LEPR: variants seen among roughly 807,000 people sequenced by gnomAD.
LEPR encodes the protein OB receptor.
A neutral mutation model predicts 114.7 loss-of-function variants in LEPR; 56 were observed. That is an observed-to-expected ratio of 0.49 (90% CI 0.39 to 0.61). LEPR has a LOEUF of 0.61. Ranked by LOEUF, LEPR falls within the 20% of genes least tolerant of loss-of-function variation. LEPR has a pLI of 0.00. For synonymous variants in LEPR, 443 were observed against 461.4 expected (o/e 0.96, Z 0.51); for missense variants, 1,202 against 1,352.9 (o/e 0.89, Z 1.75).
At chr1:65,543,685 A>G (rs1227291030) in intron 2 of LEPR, among the ~76,000 whole-genome samples, 1 of 151,996 alleles carries the variant, frequency 6.6e-6, no homozygotes, top group Non-Finnish European at 1.5e-5. Flanking sequence ...TTTTCTGCAT[A>G]TGGCTAGCCA....
rs1269185544 is a variant in LEPR at position 65,640,131 on chromosome 1, A to G, written c.*3116A>G. The stretch of plus-strand genomic sequence containing the variant: ...TTCTCTCTTCCATAATATCATATAT[A>G]TGGTCACATTACTTCAGGAATATTT... On this transcript the variant is annotated 3_prime_UTR_variant, in exon 20 of 20. Coordinates refer to ENST00000349533, the MANE Select transcript of LEPR (RefSeq NM_002303.6). 1 of 152,124 alleles carries G rather than the reference A, an allele frequency of 6.6e-6. No individual in the cohort carries two copies. The highest frequency in any genetic ancestry group is 2.4e-5 in the African/African-American group (1 of 41,438). The allele number at this position is 152,124 out of a possible 1,614,324, so 9.4% of individuals were successfully genotyped here.
chr1:65,421,122 C>G (rs919246047), intron 1 of LEPR, among the ~76,000 whole-genome samples: 6 of 152,188 alleles, frequency 3.9e-5, no homozygotes, highest in Non-Finnish European at 4.4e-5. Context: ...TCCTATTTGC[C>G]ACAAAGGACC....
chr1:65,579,759 ATATAT>A (rs1229667703), intron 5 of LEPR, among the ~76,000 whole-genome samples: 1 of 152,124 alleles, frequency 6.6e-6, no homozygotes, highest in Non-Finnish European at 1.5e-5. Context: ...TCTATTATGT[ATATAT>A]TATAATTATG....
rs772492879 is a variant in LEPR at position 65,601,722 on chromosome 1, T to G, written c.1285+40T>G. 2.5e-6 allele frequency: 4 copies of G among 1,612,494 alleles called. No homozygotes were observed. The East Asian group carries it at 8.9e-5, about 36-fold the overall frequency. On this transcript the variant is annotated intron_variant, in intron 9 of 19. Transcript: ENST00000349533. ...GTTTTGTTCATTTTGTTCCACAACT[T>G]GAATTTTCATTATGGACCCTCCTTA... is the stretch of plus-strand genomic sequence containing the variant.
intron 2 of LEPR, among the ~76,000 whole-genome samples, chr1:65,555,895 A>G (rs1236100312): frequency 6.6e-6 from 1 of 152,130 alleles, no homozygotes; most frequent in Non-Finnish European, 1.5e-5. Flanking sequence ...TCATGTGAGG[A>G]TGTCAACCCT....
chr1:65,531,916 G>A (rs1476954522), intron 2 of LEPR, among the ~76,000 whole-genome samples: 2 of 152,030 alleles, frequency 1.3e-5, no homozygotes, highest in East Asian at 3.9e-4. Flanking sequence ...CAAATTACGG[G>A]CTAGCAGGAC....
intron 2 of LEPR, chr1:65,434,512 G>A (rs900867713): frequency 7.6e-5 from 75 of 984,896 alleles, no homozygotes; most frequent in Admixed American, 5.5e-4. Flanking sequence ...ATGAATTGGT[G>A]ATTGAGTTCC....
At chr1:65,491,641 G>A (rs1442864024) in intron 2 of LEPR, among the ~76,000 whole-genome samples, 5 of 152,052 alleles carry the variant, frequency 3.3e-5, no homozygotes, top group East Asian at 1.9e-4. Context: ...TATCTATGGC[G>A]TAAAAGCCAA....
At chr1:65,564,690 T>C (rs959405073) in intron 2 of LEPR, among the ~76,000 whole-genome samples, 1 of 152,182 alleles carries the variant, frequency 6.6e-6, no homozygotes, top group African/African-American at 2.4e-5. Context: ...AGAGACCATC[T>C]AACAGTCTGA....
intron 2 of LEPR, chr1:65,433,243 A>G (rs1646513109): frequency 8.1e-6 from 8 of 985,108 alleles, no homozygotes; most frequent in Non-Finnish European, 9.6e-6. Context: ...GAAGAGATAT[A>G]GGAGCCATGT....
At chr1:65,506,504 G>T (rs1288126898) in intron 2 of LEPR, among the ~76,000 whole-genome samples, 1 of 152,160 alleles carries the variant, frequency 6.6e-6, no homozygotes. Flanking sequence ...ATTAAGTATG[G>T]ATGCAGTGTG....
chr1:65,437,674 G>A (rs1369081694), intron 2 of LEPR, among the ~76,000 whole-genome samples: 2 of 151,824 alleles, frequency 1.3e-5, no homozygotes, highest in African/African-American at 4.8e-5. Flanking sequence ...AGTGTAAGTA[G>A]AAAAAAACTA....
chr1:65,577,281 T>G (rs1216914911), intron 5 of LEPR: 2 of 153,924 alleles, frequency 1.3e-5, no homozygotes, highest in Non-Finnish European at 2.9e-5. Context: ...TCACACTTTA[T>G]GTTTCTTATA....
chr1:65,443,440 A>AATAT (rs554674806), intron 2 of LEPR, among the ~76,000 whole-genome samples: 8 of 150,264 alleles, frequency 5.3e-5, no homozygotes, highest in African/African-American at 1.9e-4. Flanking sequence ...AAATGATTAT[A>AATAT]ATATATATAT....
intron 2 of LEPR, chr1:65,431,830 T>C (rs1374589258): frequency 1.2e-6 from 2 of 1,613,962 alleles, no homozygotes; most frequent in South Asian, 2.2e-5. Flanking sequence ...CGGCCTTGTG[T>C]TGGCAGGCAA....
At chr1:65,629,873 A>C (rs1445074113) in intron 19 of LEPR, among the ~76,000 whole-genome samples, 1 of 152,112 alleles carries the variant, frequency 6.6e-6, no homozygotes, top group South Asian at 2.1e-4. Flanking sequence ...TAAAATTACT[A>C]TAAGCCATCA....
chr1:65,532,950 T>G (rs1650505910), intron 2 of LEPR, among the ~76,000 whole-genome samples: 1 of 152,204 alleles, frequency 6.6e-6, no homozygotes, highest in Admixed American at 6.5e-5. Flanking sequence ...CTAAACCTAG[T>G]GAATTGTATG....
At chr1:65,475,739 GGCA>G (rs1415136371) in intron 2 of LEPR, among the ~76,000 whole-genome samples, 2 of 152,124 alleles carry the variant, frequency 1.3e-5, no homozygotes, top group African/African-American at 2.4e-5. Flanking sequence ...AAATAGGCCA[GGCA>G]TGGTGGCTAA....
chr1:65,536,778 G>C (rs1293422941), intron 2 of LEPR, among the ~76,000 whole-genome samples: 1 of 151,970 alleles, frequency 6.6e-6, no homozygotes, highest in Non-Finnish European at 1.5e-5. Flanking sequence ...AAGAATATTT[G>C]TGATACAGCA....
Sources: gnomAD v4.1 joint callset for allele counts (sites outside exome capture counted in the v4.1 genomes callset) on GRCh38, gnomAD v4.1.1 for gene constraint, MANE v1.5 for transcripts, NCBI Gene and HGNC (gene_info 2026-07-23, HGNC 2026-07-21) for gene names.